The following NRG1 variants were observed in gnomAD, a reference collection of about 807,000 sequenced individuals.
NRG1 encodes neuregulin 1, also known as pro-neuregulin-1, membrane-bound isoform.
In NRG1, 18 loss-of-function variants were observed where a neutral mutation model predicts 63.8. The ratio of observed to expected loss-of-function variants is 0.28; its 90% CI spans 0.19 to 0.42. NRG1 has a LOEUF of 0.42. Ranked by LOEUF, NRG1 falls within the 10% of genes least tolerant of loss-of-function variation. The probability of loss-of-function intolerance (pLI) is 1.00; values close to 1 mark genes in which losing one functional copy is unlikely to be tolerated. For missense variants in NRG1, 762 were observed against 814.7 expected, an observed-to-expected ratio of 0.94 and a Z score of 0.79; for synonymous variants, 302 against 301.3, an observed-to-expected ratio of 1.00 and a Z score of -0.02.
chr8:32,312,157 G>GTTTTTTTTTTTTT (rs35888973), intron 1 of NRG1, among the ~76,000 whole-genome samples: 2 of 74,400 alleles, frequency 2.7e-5, no homozygotes, highest in Non-Finnish European at 4.7e-5. Context: ...GACCTTGTTT[G>GTTTTTTTTTTTTT]TTTTTTTTTT....
At chr8:32,075,549 A>G (rs1009252807) in intron 1 of NRG1, among the ~76,000 whole-genome samples, 5 of 152,182 alleles carry the variant, frequency 3.3e-5, no homozygotes, top group Non-Finnish European at 7.3e-5. Context: ...GTATCTGTAT[A>G]CTTTAAGCAG....
chr8:32,198,199 G>A (rs995748504), intron 1 of NRG1, among the ~76,000 whole-genome samples: 8 of 152,060 alleles, frequency 5.3e-5, no homozygotes, highest in Non-Finnish European at 1.2e-4. Context: ...GTTTTGTGAG[G>A]CAGAATATCA....
rs1371424259 is a variant in NRG1, at chr8:32,369,836, A to T, written c.38-225992A>T. On this transcript the variant is annotated intron_variant, in intron 1 of 10. Transcript: ENST00000519301. ...AAAAAGCTTGCATTTGCAACCTGTC[A>T]TATTGGGACTGTGCAGAACTTTTCC... Among the ~76,000 whole-genome samples, 3 of 152,190 alleles carry T rather than the reference A, an allele frequency of 2.0e-5. No homozygotes were observed. The East Asian group carries it at 5.8e-4, about 29-fold the overall frequency.
intron 1 of NRG1, among the ~76,000 whole-genome samples, chr8:32,001,850 T>C (rs189464615): frequency 4.9e-4 from 74 of 152,138 alleles, no homozygotes; most frequent in Middle Eastern, 6.8e-3. Context: ...ACCATTGATG[T>C]TGACCTTGAT....
chr8:31,959,836 T>TATTCATTCATTC (rs375673114), intron 1 of NRG1, among the ~76,000 whole-genome samples: 1 of 122,470 alleles, frequency 8.2e-6, no homozygotes, highest in Non-Finnish European at 1.7e-5. Context: ...TTTATTTATT[T>TATTCATTCATTC]ATTATAGAGA....
At chr8:31,729,107 G>C (rs895435962) in intron 1 of NRG1, among the ~76,000 whole-genome samples, 1 of 152,066 alleles carries the variant, frequency 6.6e-6, no homozygotes, top group Non-Finnish European at 1.5e-5. Flanking sequence ...GATTATACAT[G>C]GGAAAAATGG....
intron 1 of NRG1, among the ~76,000 whole-genome samples, chr8:32,529,802 A>G (rs555732441): frequency 5.3e-4 from 80 of 152,298 alleles, no homozygotes; most frequent in Admixed American, 2.4e-3. Flanking sequence ...TGTGATAACA[A>G]TACTTTCTTC....
chr8:32,062,049 TCTC>T (rs1823966456), intron 1 of NRG1, among the ~76,000 whole-genome samples: 1 of 151,754 alleles, frequency 6.6e-6, no homozygotes, highest in South Asian at 2.1e-4. Context: ...GCACAAAAGT[TCTC>T]CTCAGTTCAT....
intron 5 of NRG1, among the ~76,000 whole-genome samples, chr8:32,712,225 G>A (rs964700037): frequency 6.6e-6 from 1 of 152,092 alleles, no homozygotes; most frequent in Non-Finnish European, 1.5e-5. Context: ...TTTATCACAG[G>A]TAATGATGAT....
chr8:32,387,924 A>G (rs1371231806), intron 1 of NRG1, among the ~76,000 whole-genome samples: 5 of 152,174 alleles, frequency 3.3e-5, no homozygotes, highest in African/African-American at 4.8e-5. Flanking sequence ...ATGGATATCA[A>G]TTGAGCTGGG....
chr8:31,820,116 A>G (rs942703398), intron 1 of NRG1, among the ~76,000 whole-genome samples: 1 of 152,324 alleles, frequency 6.6e-6, no homozygotes, highest in East Asian at 1.9e-4. Context: ...TAGGGAATAG[A>G]TATCTCTAGA....
intron 1 of NRG1, among the ~76,000 whole-genome samples, chr8:31,723,296 G>T (rs974933152): frequency 7.9e-5 from 12 of 152,118 alleles, no homozygotes; most frequent in African/African-American, 2.9e-4. Flanking sequence ...AGAGGACAGA[G>T]GACACCTAGC....
chr8:32,571,634 C>T (rs139620570), intron 1 of NRG1, among the ~76,000 whole-genome samples: 26 of 152,230 alleles, frequency 1.7e-4, no homozygotes, highest in Admixed American at 7.9e-4. Context: ...CTTTTACTCA[C>T]ATCTTTCTTC....
chr8:32,210,922 T>C (rs1844642622), intron 1 of NRG1, among the ~76,000 whole-genome samples: 1 of 152,250 alleles, frequency 6.6e-6, no homozygotes, highest in African/African-American at 2.4e-5. Context: ...AGAAAAATCA[T>C]ACATGCTAAA....
intron 1 of NRG1, among the ~76,000 whole-genome samples, chr8:32,251,831 C>G (rs1441367872): frequency 1.3e-5 from 2 of 151,734 alleles, no homozygotes; most frequent in African/African-American, 4.8e-5. Flanking sequence ...TCTCTAATGA[C>G]CAGTGATGAT....
chr8:32,201,744 G>A (rs145327314), intron 1 of NRG1, among the ~76,000 whole-genome samples: 20 of 152,238 alleles, frequency 1.3e-4, no homozygotes, highest in African/African-American at 4.6e-4. Context: ...TAAATAGACC[G>A]TAGAAAATAA....
At chr8:32,244,416 C>T (rs1307348892) in intron 1 of NRG1, among the ~76,000 whole-genome samples, 1 of 152,076 alleles carries the variant, frequency 6.6e-6, no homozygotes, top group Non-Finnish European at 1.5e-5. Context: ...TGAACCAAAG[C>T]AGGGACTATA....
At chr8:32,625,816 A>T in intron 5 of NRG1, among the ~76,000 whole-genome samples, 1 of 124,070 alleles carries the variant, frequency 8.1e-6, no homozygotes, top group Non-Finnish European at 1.6e-5. Context: ...TTTTCTTGAG[A>T]CGGAGTCTAG....
intron 1 of NRG1, among the ~76,000 whole-genome samples, chr8:32,230,860 G>T (rs1846855776): frequency 6.6e-6 from 1 of 152,010 alleles, no homozygotes; most frequent in Admixed American, 6.6e-5. Context: ...CATTTATCAT[G>T]TCTTATATTA....
Sources: gnomAD v4.1 joint callset for allele counts (sites outside exome capture counted in the v4.1 genomes callset) on GRCh38, gnomAD v4.1.1 for gene constraint, MANE v1.5 for transcripts, NCBI Gene and HGNC (gene_info 2026-07-23, HGNC 2026-07-21) for gene names.